ARHGAP15: variants seen among roughly 807,000 people sequenced by gnomAD.
ARHGAP15 encodes Rho GTPase activating protein 15.
Under a neutral mutation model 63.7 loss-of-function variants are expected in ARHGAP15, and 51 were observed. That is an observed-to-expected ratio of 0.80 (90% CI 0.64 to 1.01). The LOEUF (loss-of-function observed/expected upper bound fraction) is 1.01. Among genes scored for constraint, ARHGAP15 ranks in the 50% least tolerant of loss-of-function variants. The probability of loss-of-function intolerance (pLI) is 0.00; values close to 1 mark genes in which losing one functional copy is unlikely to be tolerated. For missense variants in ARHGAP15, 560 were observed against 564.6 expected (o/e 0.99, Z 0.08); for synonymous variants, 191 against 193.8 (o/e 0.99, Z 0.12).
At chr2:143,318,426 A>G (rs376727748) in intron 6 of ARHGAP15, among the ~76,000 whole-genome samples, 3 of 151,464 alleles carry the variant, frequency 2.0e-5, no homozygotes, top group African/African-American at 7.3e-5. Context: ...ATGATTTAGC[A>G]TAGCAGTCTT....
intron 11 of ARHGAP15, among the ~76,000 whole-genome samples, chr2:143,611,299 A>G (rs1376211951): frequency 1.3e-5 from 2 of 152,168 alleles, no homozygotes; most frequent in African/African-American, 4.8e-5. Context: ...ATGTTGCTAT[A>G]CAACTGTTTT....
chr2:143,151,414 A>G (rs1185584734), intron 1 of ARHGAP15, among the ~76,000 whole-genome samples: 2 of 151,990 alleles, frequency 1.3e-5, no homozygotes. Context: ...AATAGAGTGG[A>G]CTGATCAATG....
intron 13 of ARHGAP15, among the ~76,000 whole-genome samples, chr2:143,731,148 T>G (rs554064515): frequency 6.6e-6 from 1 of 152,216 alleles, no homozygotes; most frequent in Admixed American, 6.5e-5. Context: ...TGAGCAAACT[T>G]GGGACTTTCC....
intron 10 of ARHGAP15, among the ~76,000 whole-genome samples, chr2:143,553,625 C>T (rs919916781): frequency 2.6e-5 from 4 of 152,194 alleles, no homozygotes; most frequent in Non-Finnish European, 5.9e-5. Flanking sequence ...TAGGATGAGG[C>T]TGCTTTCTTT....
At chr2:143,635,194 C>CTTTTTTTT (rs10558886) in intron 12 of ARHGAP15, among the ~76,000 whole-genome samples, 4 of 26,876 alleles carry the variant, frequency 1.5e-4, no homozygotes, top group East Asian at 1.2e-3. Context: ...CTCTCAGGAG[C>CTTTTTTTT]TTTTTTTTTT....
At chr2:143,550,145 A>T (rs989718638) in intron 10 of ARHGAP15, among the ~76,000 whole-genome samples, 3 of 151,892 alleles carry the variant, frequency 2.0e-5, no homozygotes, top group African/African-American at 4.8e-5. Context: ...TTAAAGAGAA[A>T]TTTTTTTTTA....
intron 2 of ARHGAP15, among the ~76,000 whole-genome samples, chr2:143,199,520 ATC>A (rs1692022036): frequency 6.6e-6 from 1 of 152,004 alleles, no homozygotes; most frequent in South Asian, 2.1e-4. Context: ...AACTCCTTCC[ATC>A]TTGCAACTTC....
At chr2:143,557,641 A>C (rs572711710) in intron 11 of ARHGAP15, among the ~76,000 whole-genome samples, 7 of 152,204 alleles carry the variant, frequency 4.6e-5, no homozygotes, top group Admixed American at 3.9e-4. Flanking sequence ...ATAATAATGT[A>C]TTGATATTGG....
chr2:143,360,080 T>C (rs1685974016), intron 6 of ARHGAP15, among the ~76,000 whole-genome samples: 1 of 152,060 alleles, frequency 6.6e-6, no homozygotes, highest in Non-Finnish European at 1.5e-5. Context: ...AAGTTTCCTA[T>C]AAAATCACAT....
rs536299528 is a variant in ARHGAP15, at chr2:143,344,209, G to C, written c.475-91392G>C. 4 of 152,148 alleles carry C rather than the reference G, an allele frequency of 2.6e-5. No individual in the cohort carries two copies. In the East Asian group the frequency reaches 7.7e-4, roughly 29 times the overall value. 9.4% of individuals were successfully genotyped at this position (152,148 alleles called of 1,614,324 possible). A position where few individuals can be genotyped will look rare whatever the true frequency, so the allele number is the denominator to read the frequency against. On this transcript the variant is annotated intron_variant, in intron 6 of 13. Transcript: ENST00000295095. ...AGATGGTTGTTTGAAAGTGGTTAGCGTCTTTAACCCTGAGTAGAAAAGTAG... is the reference window on the plus strand; with the variant it reads ...AGATGGTTGTTTGAAAGTGGTTAGCCTCTTTAACCCTGAGTAGAAAAGTAG...
At chr2:143,213,031 C>G (rs929759095) in intron 3 of ARHGAP15, among the ~76,000 whole-genome samples, 2 of 152,072 alleles carry the variant, frequency 1.3e-5, no homozygotes, top group African/African-American at 4.8e-5. Flanking sequence ...GGTATCCCGT[C>G]CCCCCAGAAA....
chr2:143,426,771 G>C (rs1024586928), intron 6 of ARHGAP15, among the ~76,000 whole-genome samples: 4 of 152,102 alleles, frequency 2.6e-5, no homozygotes, highest in African/African-American at 9.7e-5. Context: ...TTATTTGTTG[G>C]CATCCTTGTC....
At chr2:143,418,325 C>T (rs551756187) in intron 6 of ARHGAP15, among the ~76,000 whole-genome samples, 1 of 152,218 alleles carries the variant, frequency 6.6e-6, no homozygotes, top group South Asian at 2.1e-4. Flanking sequence ...ACCTGTTGTC[C>T]TCAAGTTCTT....
intron 12 of ARHGAP15, among the ~76,000 whole-genome samples, chr2:143,657,354 C>T (rs1681509166): frequency 6.6e-6 from 1 of 152,092 alleles, no homozygotes; most frequent in Admixed American, 6.5e-5. Flanking sequence ...ATCTTAAAAA[C>T]AAAACAAAAC....
intron 12 of ARHGAP15, chr2:143,676,491 CTCTT>C (rs990659817): frequency 2.0e-5 from 3 of 152,118 alleles, no homozygotes; most frequent in Non-Finnish European, 2.9e-5. Context: ...AGGCATGCAC[CTCTT>C]TCTTTGACTT....
At chr2:143,741,172 G>T (rs1173066649) in intron 13 of ARHGAP15, 1 of 152,148 alleles carries the variant, frequency 6.6e-6, no homozygotes, top group Non-Finnish European at 1.5e-5. Flanking sequence ...CCTTGGCTAG[G>T]GCATTAGTGA....
intron 9 of ARHGAP15, among the ~76,000 whole-genome samples, chr2:143,498,133 TCAA>T (rs970666391): frequency 1.3e-5 from 2 of 152,312 alleles, no homozygotes. Context: ...CTATTATAAA[TCAA>T]CAACATTTCA....
chr2:143,526,168 C>A (rs896508035), intron 10 of ARHGAP15, among the ~76,000 whole-genome samples: 8 of 151,426 alleles, frequency 5.3e-5, no homozygotes, highest in African/African-American at 2.0e-4. Flanking sequence ...TTATCTATGT[C>A]TAGCAATGCA....
chr2:143,278,557 G>T lies in ARHGAP15; in HGVS notation c.474+27957G>T, dbSNP rs182531731. Reference sequence around the variant, plus strand: ...ACACTGACCTTGGGCATTATCTATTGTCATTCACATTTCTTACCCCAAGTA... The same window carrying T: ...ACACTGACCTTGGGCATTATCTATTTTCATTCACATTTCTTACCCCAAGTA... On this transcript the variant is annotated intron_variant, in intron 6 of 13. Transcript: ENST00000295095. Among the ~76,000 whole-genome samples the T allele has an allele frequency of 1.6e-4, 24 of 152,178 alleles. No individual in the cohort carries two copies. The East Asian group carries it at 3.9e-3, about 25-fold the overall frequency.
Sources: gnomAD v4.1 joint callset for allele counts (sites outside exome capture counted in the v4.1 genomes callset) on GRCh38, gnomAD v4.1.1 for gene constraint, MANE v1.5 for transcripts, NCBI Gene and HGNC (gene_info 2026-07-23, HGNC 2026-07-21) for gene names.